The following CYP4B1 variants were observed in gnomAD, a reference collection of about 807,000 sequenced individuals.
The protein encoded by CYP4B1 is cytochrome P450 4B1.
Under a neutral mutation model 54.0 loss-of-function variants are expected in CYP4B1, and 45 were observed. The observed-to-expected ratio is 0.83, with a 90% CI of 0.66 to 1.07. The LOEUF is 1.07. Among genes scored for constraint, CYP4B1 ranks in the 50% least tolerant of loss-of-function variants. The probability of loss-of-function intolerance (pLI) is 0.00; values close to 1 mark genes in which losing one functional copy is unlikely to be tolerated. For synonymous variants in CYP4B1, 248 were observed against 247.5 expected, an observed-to-expected ratio of 1.00 and a Z score of -0.02; for missense variants, 656 against 655.4, an observed-to-expected ratio of 1.00 and a Z score of -0.01.
chr1:46,804,280 T>C (rs1678771783), intron 1 of CYP4B1, among the ~76,000 whole-genome samples: 1 of 151,988 alleles, frequency 6.6e-6, no homozygotes, highest in South Asian at 2.1e-4. Context: ...CTGGATTCCT[T>C]AGCAAGATCA....
rs184248670 is a variant in CYP4B1, at chr1:46,807,795, G to T, written c.181-3013G>T. Among the ~76,000 whole-genome samples, 5 of 152,340 alleles carry T rather than the reference G, an allele frequency of 3.3e-5. No individual in the cohort carries two copies. The East Asian group carries it at 9.7e-4, about 29-fold the overall frequency. On this transcript the variant is annotated intron_variant, in intron 1 of 11. Coordinates refer to ENST00000371923, the MANE Select transcript of CYP4B1 (RefSeq NM_001099772.2). Reference sequence around the variant, plus strand: ...GCCCTAGAGAAGGCACAGACGGGTGGCTGGAGGCCAAAATAGGCCCAATCC... The same window carrying T: ...GCCCTAGAGAAGGCACAGACGGGTGTCTGGAGGCCAAAATAGGCCCAATCC...
At chr1:46,807,822 A>T (rs1452429745) in intron 1 of CYP4B1, among the ~76,000 whole-genome samples, 1 of 152,222 alleles carries the variant, frequency 6.6e-6, no homozygotes, top group Non-Finnish European at 1.5e-5. Flanking sequence ...GCCCAATCCC[A>T]TGAGCCCTTG....
rs1360094156 is a variant in CYP4B1, at chr1:46,817,053, A to T, written c.1079A>T (p.Asp360Val). The change falls in exon 9 of 12, where the codon GAT (aspartate) becomes GTT (valine). Residue 360 changes from aspartate (D) to valine (V), a missense_variant. By Grantham distance (152) the Asp-to-Val change is radical. Transcript: ENST00000371923. ...LGDQDFFQWD[D>V]LGKMTYLTMC... ...TCTGGTTGTGTTGCTGGCAGGGATG[A>T]TCTGGGCAAAATGACTTATCTGACC... The T allele has an allele frequency of 1.9e-6, 3 of 1,613,862 alleles. No individual in the cohort carries two copies. Among genetic ancestry groups the T allele is most frequent in the South Asian group, 2.2e-5 (2 of 91,036 alleles).
rs568140125 is a variant in CYP4B1 at position 46,817,012 on chromosome 1, C to T, written c.1074-36C>T. ...GCTTTCTCGCCAAATCCTGTTGCTT[C>T]CCATTCCAAGAATGTTCTGGTTGTG... is the stretch of plus-strand genomic sequence containing the variant. On this transcript the variant is annotated intron_variant, in intron 8 of 11. Transcript: ENST00000371923. 56 of 1,607,644 alleles carry T rather than the reference C, an allele frequency of 3.5e-5. No homozygotes were observed. The East Asian group carries it at 1.2e-3, about 35-fold the overall frequency.
intron 1 of CYP4B1, among the ~76,000 whole-genome samples, chr1:46,800,235 TTC>T (rs1491413343): frequency 0.062 from 3,364 of 53,968 alleles, 692 homozygotes; most frequent in Non-Finnish European, 0.091. Context: ...CTTTCTTTCT[TTC>T]TTTCCTTCCT....
At position 46,799,116 on chromosome 1, in the gene CYP4B1, C is replaced by T. The variant is rs745623064; in HGVS notation, c.35C>T (p.Ser12Phe). ...VPSFLSLSFS[S>F]LGLWASGLIL... ...AGCTTCCTCTCCCTGAGCTTCTCCT[C>T]CTTGGGCCTGTGGGCTTCTGGGCTG... The change falls in exon 1 of 12, where the codon TCC (serine) becomes TTC (phenylalanine). Residue 12 changes from serine to phenylalanine, a missense_variant. Coordinates refer to ENST00000371923, the MANE Select transcript of CYP4B1 (RefSeq NM_001099772.2). The T allele has an allele frequency of 6.2e-6, 10 of 1,613,918 alleles. No individual in the cohort carries two copies. Among genetic ancestry groups the T allele is most frequent in the Non-Finnish European group, 8.5e-6 (10 of 1,180,002 alleles).
At chr1:46,806,271 C>T (rs1011437601) in intron 1 of CYP4B1, among the ~76,000 whole-genome samples, 6 of 152,184 alleles carry the variant, frequency 3.9e-5, no homozygotes, top group Admixed American at 2.0e-4. Context: ...GAAACCCCTT[C>T]GTCTTTCTCC....
At chr1:46,811,991 G>A (rs1679118900) in intron 3 of CYP4B1, among the ~76,000 whole-genome samples, 1 of 152,236 alleles carries the variant, frequency 6.6e-6, no homozygotes, top group African/African-American at 2.4e-5. Flanking sequence ...GGAAAATGAA[G>A]AGGTGGTTTT....
intron 1 of CYP4B1, among the ~76,000 whole-genome samples, chr1:46,807,706 C>T (rs995970025): frequency 6.6e-6 from 1 of 152,174 alleles, no homozygotes; most frequent in Non-Finnish European, 1.5e-5. Context: ...CGTTCAGAGG[C>T]AGTGAGGGAA....
chr1:46,810,962 G>A lies in CYP4B1; in HGVS notation c.322+13G>A, dbSNP rs1455516668. 2 of 1,613,834 alleles carry A rather than the reference G, an allele frequency of 1.2e-6. No individual in the cohort carries two copies. Among genetic ancestry groups the A allele is most frequent in the South Asian group, 2.2e-5 (2 of 91,038 alleles). On this transcript the variant is annotated intron_variant, in intron 2 of 11. Transcript: ENST00000371923. ...TACAGCCGTGGGGGTGAGGAGAGAGGATGGGGATCTCAGGAGAGGGTGGGG... is the reference window on the plus strand; with the variant it reads ...TACAGCCGTGGGGGTGAGGAGAGAGAATGGGGATCTCAGGAGAGGGTGGGG...
intron 11 of CYP4B1, 142 bp downstream of exon 11, chr1:46,818,355 T>C: frequency 2.5e-6 from 2 of 814,478 alleles, no homozygotes; most frequent in South Asian, 3.3e-5. Flanking sequence ...AGGAGGCTTC[T>C]TCTTGCAATT....
chr1:46,815,904 T>TGGTC (rs2148410857), intron 8 of CYP4B1, among the ~76,000 whole-genome samples: 1 of 152,284 alleles, frequency 6.6e-6, no homozygotes, highest in African/African-American at 2.4e-5. Flanking sequence ...CCTTTGCTTG[T>TGGTC]GGTCAGACAA....
chr1:46,814,241 C>T lies in CYP4B1; in HGVS notation c.808C>T (p.Gln270Ter). 5 of 1,614,120 alleles carry T rather than the reference C, an allele frequency of 3.1e-6. No individual in the cohort carries two copies. The African/African-American group carries it at 6.7e-5, about 22-fold the overall frequency. The change falls in exon 7 of 12, where the codon CAG becomes TAG. Residue 270 changes from glutamine (Q) to a stop codon, truncating the protein, a stop_gained. Coordinates refer to ENST00000371923, the MANE Select transcript of CYP4B1 (RefSeq NM_001099772.2). LOFTEE classifies it high-confidence loss of function. ...QVIRERKAAL[Q>*]DEKVRKKIQN... ...CATCAGGGAGCGGAAGGCAGCCCTG[C>T]AGGATGAGAAGGTGCGGAAGAAGAT...
chr1:46,814,542 G>A (rs1000340639), intron 7 of CYP4B1, among the ~76,000 whole-genome samples: 3 of 152,128 alleles, frequency 2.0e-5, no homozygotes, highest in Admixed American at 6.5e-5. Context: ...GGTAGTGGCT[G>A]GACGACATTT....
chr1:46,808,257 A>G (rs1678940051), intron 1 of CYP4B1, among the ~76,000 whole-genome samples: 1 of 152,070 alleles, frequency 6.6e-6, no homozygotes, highest in South Asian at 2.1e-4. Context: ...TTACAGTCCC[A>G]CCAACAGTGT....
At chr1:46,805,250 C>T (rs1462627116) in intron 1 of CYP4B1, among the ~76,000 whole-genome samples, 3 of 152,246 alleles carry the variant, frequency 2.0e-5, no homozygotes, top group African/African-American at 7.2e-5. Flanking sequence ...TGCATTCCTC[C>T]TCTCATCTGA....
chr1:46,816,338 A>T (rs981386929), intron 8 of CYP4B1, among the ~76,000 whole-genome samples: 1 of 152,204 alleles, frequency 6.6e-6, no homozygotes, highest in Non-Finnish European at 1.5e-5. Context: ...AGAGGTAGGC[A>T]TTGTAGGCTG....
Position 46,815,128 on chromosome 1 carries a change from T to G in CYP4B1, c.937T>G (p.Phe313Val). 9.3e-6 allele frequency: 15 copies of G among 1,614,224 alleles called. No homozygotes were observed. The highest frequency in any genetic ancestry group is 1.3e-5 in the Non-Finnish European group (15 of 1,180,026). The change falls in exon 8 of 12, where the codon TTC becomes GTC. Residue 313 changes from phenylalanine (F) to valine (V), a missense_variant. By Grantham distance (50) the Phe-to-Val change is conservative. Transcript: ENST00000371923. The stretch of plus-strand genomic sequence containing the variant: ...AGACCTCCGGGCTGAAGTGGACACA[T>G]TCATGTTTGAAGGCCATGACACCAC... ...DADLRAEVDT[F>V]MFEGHDTTTS...
intron 11 of CYP4B1, 28 bp downstream of exon 11, chr1:46,818,241 C>G (rs1679419047): frequency 1.2e-5 from 19 of 1,586,768 alleles, no homozygotes; most frequent in Non-Finnish European, 1.6e-5. Flanking sequence ...ATCCCAGGCC[C>G]TCAGGACTGG....
Sources: gnomAD v4.1 joint callset for allele counts (sites outside exome capture counted in the v4.1 genomes callset) on GRCh38, gnomAD v4.1.1 for gene constraint, MANE v1.5 for transcripts, NCBI Gene and HGNC (gene_info 2026-07-23, HGNC 2026-07-21) for gene names.